The following TENM2 variants were observed in gnomAD, a reference collection of about 807,000 sequenced individuals.
The protein encoded by TENM2 is teneurin transmembrane protein 2.
TENM2 carries 52 observed loss-of-function variants against 245.2 expected under a neutral mutation model. The ratio of observed to expected loss-of-function variants is 0.21; its 90% CI spans 0.17 to 0.27. The LOEUF is 0.27. TENM2 is among the 10% of genes least tolerant of loss of function. TENM2 has a pLI of 1.00. For synonymous variants in TENM2, 1,363 were observed against 1,438.9 expected (o/e 0.95, Z 1.19); for missense variants, 3,046 against 3,666.8 (o/e 0.83, Z 4.37).
intron 2 of TENM2, among the ~76,000 whole-genome samples, chr5:167,455,455 G>GGTT (rs71591184): frequency 7.0e-6 from 1 of 141,852 alleles, no homozygotes; most frequent in Non-Finnish European, 1.5e-5. Flanking sequence ...TGTATGTGTA[G>GGTT]TTTTTTTTTT....
intron 13 of TENM2, among the ~76,000 whole-genome samples, chr5:168,174,677 C>T (rs1196470332): frequency 6.6e-6 from 1 of 152,186 alleles, no homozygotes; most frequent in Non-Finnish European, 1.5e-5. Context: ...CAGAGGGATT[C>T]CTCCGAGCGT....
intron 2 of TENM2, among the ~76,000 whole-genome samples, chr5:167,854,724 T>G (rs1200747915): frequency 6.6e-6 from 1 of 152,232 alleles, no homozygotes; most frequent in African/African-American, 2.4e-5. Flanking sequence ...ATTGCATATA[T>G]ATGTAAATGC....
At chr5:167,224,232 G>A in the TENM2 span, among the ~76,000 whole-genome samples, 1 of 151,930 alleles carries the variant, frequency 6.6e-6, no homozygotes, top group African/African-American at 2.4e-5. Flanking sequence ...TTTGTTGTCT[G>A]TGCTTTTGAG....
chr5:167,040,433 T>G, the TENM2 span, among the ~76,000 whole-genome samples: 1 of 151,992 alleles, frequency 6.6e-6, no homozygotes, highest in Non-Finnish European at 1.5e-5. Context: ...ACTGAAATAG[T>G]AAACAGCAAT....
chr5:167,012,132 A>G, the TENM2 span, among the ~76,000 whole-genome samples: 2 of 152,278 alleles, frequency 1.3e-5, no homozygotes, highest in Admixed American at 6.5e-5. Flanking sequence ...TCCTTACTCT[A>G]TAGAAGTCTT....
intron 2 of TENM2, among the ~76,000 whole-genome samples, chr5:167,492,891 C>T (rs1768525048): frequency 6.6e-6 from 1 of 152,058 alleles, no homozygotes; most frequent in South Asian, 2.1e-4. Flanking sequence ...AACCAGTCTA[C>T]AATGCTAAGG....
At chr5:167,580,006 T>G (rs1258642681) in intron 2 of TENM2, among the ~76,000 whole-genome samples, 1 of 152,258 alleles carries the variant, frequency 6.6e-6, no homozygotes, top group Non-Finnish European at 1.5e-5. Flanking sequence ...ATACAAGTTT[T>G]TGAGAAATGT....
intron 2 of TENM2, among the ~76,000 whole-genome samples, chr5:167,607,702 C>G (rs544312500): frequency 6.6e-6 from 1 of 152,128 alleles, no homozygotes; most frequent in Non-Finnish European, 1.5e-5. Context: ...TTTCTAGGGA[C>G]GATAGTCATT....
chr5:166,995,183 GA>G, the TENM2 span, among the ~76,000 whole-genome samples: 1 of 151,840 alleles, frequency 6.6e-6, no homozygotes, highest in African/African-American at 2.4e-5. Context: ...CAGGAACATA[GA>G]AAAAAATGTA....
At position 167,382,635 on chromosome 5, in the gene TENM2, G is replaced by T. The variant is rs139287150; in HGVS notation, c.502+7162G>T. 1.9e-3 allele frequency among the ~76,000 whole-genome samples: 290 copies of T among 152,162 alleles called. 1 individual carries two copies. Among genetic ancestry groups the T allele is most frequent in the African/African-American group, 6.7e-3 (278 of 41,502 alleles). ...AGTAGGCATTCTTTGAAAAAGAGTAGGTTAACAGATAACCTATGCAGAGTT... is the reference window on the plus strand; with the variant it reads ...AGTAGGCATTCTTTGAAAAAGAGTATGTTAACAGATAACCTATGCAGAGTT... On this transcript the variant is annotated intron_variant, in intron 2 of 28. Coordinates refer to ENST00000518659, the Ensembl canonical transcript of TENM2.
At chr5:167,125,885 T>A in the TENM2 span, among the ~76,000 whole-genome samples, 1 of 152,196 alleles carries the variant, frequency 6.6e-6, no homozygotes, top group Non-Finnish European at 1.5e-5. Flanking sequence ...TTGCTGCAGG[T>A]CACACAGCTG....
intron 2 of TENM2, among the ~76,000 whole-genome samples, chr5:167,580,348 G>T (rs1264136843): frequency 6.6e-6 from 1 of 152,068 alleles, no homozygotes; most frequent in Non-Finnish European, 1.5e-5. Context: ...AAATTTGGGG[G>T]GACATCTTTC....
chr5:168,087,081 G>GT (rs1792519281), intron 7 of TENM2, among the ~76,000 whole-genome samples: 1 of 152,240 alleles, frequency 6.6e-6, no homozygotes, highest in Non-Finnish European at 1.5e-5. Flanking sequence ...CCTTGCCCAA[G>GT]TTATAGCAGC....
chr5:168,011,426 T>G (rs1785212417), intron 5 of TENM2, among the ~76,000 whole-genome samples: 1 of 152,238 alleles, frequency 6.6e-6, no homozygotes, highest in South Asian at 2.1e-4. Context: ...GATATGCTGC[T>G]AAACATTTTT....
At chr5:167,081,280 A>G in the TENM2 span, among the ~76,000 whole-genome samples, 1 of 152,126 alleles carries the variant, frequency 6.6e-6, no homozygotes, top group South Asian at 2.1e-4. Context: ...TCATAGATCA[A>G]GGTATTTATG....
intron 1 of TENM2, among the ~76,000 whole-genome samples, chr5:167,313,909 C>T (rs552752607): frequency 1.3e-5 from 2 of 152,142 alleles, no homozygotes; most frequent in Non-Finnish European, 2.9e-5. Flanking sequence ...GAGTAAAGAA[C>T]GTCCAGATGT....
At chr5:167,466,134 AG>A (rs1316662323) in intron 2 of TENM2, among the ~76,000 whole-genome samples, 2 of 152,186 alleles carry the variant, frequency 1.3e-5, no homozygotes, top group Non-Finnish European at 2.9e-5. Flanking sequence ...GAGGAGATAA[AG>A]CTCGTTCCTA....
At chr5:168,090,030 C>G (rs913479976) in intron 7 of TENM2, among the ~76,000 whole-genome samples, 1 of 152,142 alleles carries the variant, frequency 6.6e-6, no homozygotes, top group African/African-American at 2.4e-5. Context: ...GCCATTTCTC[C>G]TAGTAAATGA....
chr5:167,068,005 G>A, the TENM2 span, among the ~76,000 whole-genome samples: 5 of 152,298 alleles, frequency 3.3e-5, no homozygotes, highest in East Asian at 7.7e-4. Context: ...ACAGCACATG[G>A]TGGGTTCTGC....
Sources: gnomAD v4.1 joint callset for allele counts (sites outside exome capture counted in the v4.1 genomes callset) on GRCh38, gnomAD v4.1.1 for gene constraint, MANE v1.5 for transcripts, NCBI Gene and HGNC (gene_info 2026-07-23, HGNC 2026-07-21) for gene names.